The following SNX4 variants were observed in gnomAD, a reference collection of about 807,000 sequenced individuals.
SNX4 encodes the protein sorting nexin-4.
A neutral mutation model predicts 70.8 loss-of-function variants in SNX4; 49 were observed. The observed-to-expected ratio is 0.69, with a 90% CI of 0.55 to 0.88. SNX4 has a LOEUF of 0.88. Ranked by LOEUF, SNX4 falls within the 40% of genes least tolerant of loss-of-function variation. The probability of loss-of-function intolerance (pLI) is 0.00; values close to 1 mark genes in which losing one functional copy is unlikely to be tolerated. For missense variants in SNX4, 528 were observed against 544.8 expected, an observed-to-expected ratio of 0.97 and a Z score of 0.31; for synonymous variants, 206 against 183.8, an observed-to-expected ratio of 1.12 and a Z score of -0.98.
At chr3:125,519,368 T>C (rs1935347433) in intron 1 of SNX4, among the ~76,000 whole-genome samples, 2 of 152,158 alleles carry the variant, frequency 1.3e-5, no homozygotes, top group Non-Finnish European at 2.9e-5. Context: ...GTACATGGGT[T>C]ATCAATAAGT....
At chr3:125,508,158 C>T (rs771039830) in intron 1 of SNX4, among the ~76,000 whole-genome samples, 1 of 152,160 alleles carries the variant, frequency 6.6e-6, no homozygotes, top group Non-Finnish European at 1.5e-5. Flanking sequence ...ATATTCGATG[C>T]AAACCCTACG....
chr3:125,458,852 A>G (rs1247746657), intron 10 of SNX4, among the ~76,000 whole-genome samples: 1 of 104,614 alleles, frequency 9.6e-6, no homozygotes, highest in African/African-American at 4.3e-5. Context: ...AAAAGAAAAG[A>G]AAAGATTCTA....
Position 125,495,277 on chromosome 3 carries a change from T to TATATATATATATACATACAC in SNX4, c.597+2063_597+2064insGTGTATGTATATATATATAT. ...ATATATATATATATATATATATATATACACATACACACACACACACGTATG... is the reference window on the plus strand; with the variant it reads ...ATATATATATATATATATATATATATATATATATATATACATACACACACATACACACACACACACGTATG... On this transcript the variant is annotated intron_variant, in intron 5 of 13. Transcript: ENST00000251775. Among the ~76,000 whole-genome samples, 527 of 99,554 alleles carry TATATATATATATACATACAC rather than the reference T, an allele frequency of 5.3e-3. 14 individuals carry two copies. Among genetic ancestry groups the TATATATATATATACATACAC allele is most frequent in the Middle Eastern group, 0.017 (3 of 180 alleles). 65.3% of individuals were successfully genotyped at this position (99,554 alleles called of 152,430 possible). A position where few individuals can be genotyped will look rare whatever the true frequency, so the allele number is the denominator to read the frequency against.
intron 5 of SNX4, among the ~76,000 whole-genome samples, chr3:125,490,661 CTT>C (rs1300357816): frequency 6.6e-6 from 1 of 151,340 alleles, no homozygotes; most frequent in African/African-American, 2.4e-5. Context: ...ATTTTCTTCA[CTT>C]ATTTCTAGAT....
intron 5 of SNX4, among the ~76,000 whole-genome samples, chr3:125,492,048 C>T (rs1466303328): frequency 7.6e-6 from 1 of 131,168 alleles, no homozygotes; most frequent in African/African-American, 3.0e-5. Context: ...GCAGAGTTTG[C>T]AGTGAGCCGA....
At position 125,497,653 on chromosome 3, in the gene SNX4, A is replaced by G. The variant is rs570576938; in HGVS notation, c.549+181T>C. Among the ~76,000 whole-genome samples, 3 of 152,286 alleles carry G rather than the reference A, an allele frequency of 2.0e-5. No homozygotes were observed. In the East Asian group the frequency reaches 5.8e-4, roughly 29 times the overall value. ...AAATGATACCAAAAATACCATCATC[A>G]GTATCTTTAAATAGAAAAAGTTAAC... On this transcript the variant is annotated intron_variant, in intron 4 of 13. Coordinates refer to ENST00000251775, the MANE Select transcript of SNX4 (RefSeq NM_003794.4).
At chr3:125,450,142 C>A (rs1933537727) in intron 13 of SNX4, among the ~76,000 whole-genome samples, 1 of 151,984 alleles carries the variant, frequency 6.6e-6, no homozygotes, top group Non-Finnish European at 1.5e-5. Flanking sequence ...TAGCTGCAGG[C>A]AAGAAGAGGT....
intron 8 of SNX4, among the ~76,000 whole-genome samples, chr3:125,473,242 T>C (rs149404763): frequency 2.0e-5 from 3 of 152,288 alleles, no homozygotes; most frequent in Non-Finnish European, 2.9e-5. Context: ...TTCACATCCA[T>C]GAGTAGGGAC....
At chr3:125,492,783 C>T (rs1014093075) in intron 5 of SNX4, among the ~76,000 whole-genome samples, 3 of 152,180 alleles carry the variant, frequency 2.0e-5, no homozygotes, top group Admixed American at 6.5e-5. Flanking sequence ...GTACCTCACA[C>T]TGTAGGCACC....
At chr3:125,494,798 T>G (rs1934745134) in intron 5 of SNX4, among the ~76,000 whole-genome samples, 1 of 151,998 alleles carries the variant, frequency 6.6e-6, no homozygotes, top group African/African-American at 2.4e-5. Context: ...CAGTTAACCA[T>G]TACAAACAAT....
intron 5 of SNX4, among the ~76,000 whole-genome samples, chr3:125,492,638 C>T (rs1360895447): frequency 6.6e-6 from 1 of 152,180 alleles, no homozygotes; most frequent in Non-Finnish European, 1.5e-5. Context: ...CTACTTATCA[C>T]TATTTTAAAG....
intron 10 of SNX4, among the ~76,000 whole-genome samples, 200 bp from the exon 11 acceptor site, chr3:125,457,565 A>G (rs1933755453): frequency 6.9e-6 from 1 of 144,302 alleles, no homozygotes; most frequent in Non-Finnish European, 1.5e-5. Context: ...TAAAAACTTC[A>G]TATATTCTTT....
At chr3:125,475,056 G>A (rs1435655801) in intron 8 of SNX4, among the ~76,000 whole-genome samples, 2 of 151,970 alleles carry the variant, frequency 1.3e-5, no homozygotes, top group Non-Finnish European at 2.9e-5. Flanking sequence ...TTTTACAGTT[G>A]ACCATATATT....
chr3:125,509,415 G>A (rs920615172), intron 1 of SNX4, among the ~76,000 whole-genome samples: 1 of 151,396 alleles, frequency 6.6e-6, no homozygotes, highest in Admixed American at 6.6e-5. Context: ...TTCTCTCACG[G>A]ATCCAGACTA....
intron 9 of SNX4, 72 bp from the exon 10 acceptor site, chr3:125,460,932 G>C: frequency 1.3e-6 from 1 of 761,906 alleles, no homozygotes; most frequent in Non-Finnish European, 2.1e-6. Flanking sequence ...GGGTTCTAGA[G>C]AAGTGCAATT....
At chr3:125,455,280 G>A (rs553613587) in intron 11 of SNX4, among the ~76,000 whole-genome samples, 14 of 152,094 alleles carry the variant, frequency 9.2e-5, no homozygotes, top group Non-Finnish European at 2.1e-4. Context: ...AATATTAGAC[G>A]TTATTTCTTA....
chr3:125,516,763 C>T (rs573613883), intron 1 of SNX4, among the ~76,000 whole-genome samples: 7 of 152,258 alleles, frequency 4.6e-5, no homozygotes, highest in Non-Finnish European at 8.8e-5. Context: ...ATCACTTGAA[C>T]GCAGGAGGCA....
chr3:125,499,212 A>T (rs1934873225), intron 2 of SNX4, among the ~76,000 whole-genome samples: 2 of 152,222 alleles, frequency 1.3e-5, no homozygotes, highest in Non-Finnish European at 2.9e-5. Context: ...ATTTCTTGCC[A>T]GCATAAGTAA....
intron 2 of SNX4, among the ~76,000 whole-genome samples, chr3:125,502,887 C>T (rs1002289890): frequency 3.4e-5 from 5 of 146,502 alleles, no homozygotes; most frequent in African/African-American, 7.5e-5. Context: ...AACATTAAAA[C>T]ATTGTTATAA....
Sources: allele counts gnomAD v4.1 joint callset (sites outside exome capture counted in the v4.1 genomes callset), GRCh38; gene constraint gnomAD v4.1.1; transcripts MANE v1.5; gene names NCBI Gene and HGNC (gene_info 2026-07-23, HGNC 2026-07-21).